Variants in USP37 observed in about 807,000 individuals in gnomAD.
The protein encoded by USP37 is ubiquitin carboxyl-terminal hydrolase 37.
In USP37, 27 loss-of-function variants were observed where a neutral mutation model predicts 124.0. That is an observed-to-expected ratio of 0.22 (90% CI 0.16 to 0.30). The LOEUF is 0.30. Among genes scored for constraint, USP37 ranks in the 10% least tolerant of loss-of-function variants. The probability of loss-of-function intolerance (pLI) is 1.00; values close to 1 mark genes in which losing one functional copy is unlikely to be tolerated. For missense variants in USP37, 889 were observed against 1,140.4 expected (o/e 0.78, Z 3.17); for synonymous variants, 365 against 388.0 (o/e 0.94, Z 0.70).
At chr2:218,544,596 A>G (rs1692220532) in intron 8 of USP37, among the ~76,000 whole-genome samples, 1 of 151,942 alleles carries the variant, frequency 6.6e-6, no homozygotes, top group Non-Finnish European at 1.5e-5. Context: ...GCCTTTAAAG[A>G]AAACAAACAA....
intron 25 of USP37, among the ~76,000 whole-genome samples, chr2:218,455,221 CA>C (rs1370539072): frequency 6.6e-6 from 1 of 152,138 alleles, no homozygotes; most frequent in Non-Finnish European, 1.5e-5. Context: ...GAACTGACAA[CA>C]GTTAGCTTTA....
chr2:218,548,762 T>C (rs1471053773), intron 6 of USP37, among the ~76,000 whole-genome samples: 1 of 152,234 alleles, frequency 6.6e-6, no homozygotes, highest in African/African-American at 2.4e-5. Flanking sequence ...TTATTTTCTA[T>C]TCTACTTTTT....
At chr2:218,503,365 G>A (rs957995444) in intron 11 of USP37, among the ~76,000 whole-genome samples, 1 of 152,246 alleles carries the variant, frequency 6.6e-6, no homozygotes, top group Admixed American at 6.5e-5. Context: ...CACGGTACGT[G>A]AATTTTTAAG....
At chr2:218,459,095 A>G (rs1286328029) in intron 23 of USP37, among the ~76,000 whole-genome samples, 1 of 145,952 alleles carries the variant, frequency 6.9e-6, no homozygotes, top group African/African-American at 2.5e-5. Flanking sequence ...AAAAAAAAAC[A>G]GTTCAATGTG....
chr2:218,559,016 A>AG (rs1553561410), intron 3 of USP37, among the ~76,000 whole-genome samples: 1 of 151,032 alleles, frequency 6.6e-6, no homozygotes, highest in Non-Finnish European at 1.5e-5. Flanking sequence ...AAAAAAAAAA[A>AG]GTGTGTTCAG....
chr2:218,565,874 C>G (rs559405909), intron 1 of USP37, among the ~76,000 whole-genome samples: 2 of 152,048 alleles, frequency 1.3e-5, no homozygotes, highest in African/African-American at 2.4e-5. Flanking sequence ...CATGGTGAAA[C>G]CTTGTCTCCA....
chr2:218,525,212 C>T (rs887374228), intron 10 of USP37, among the ~76,000 whole-genome samples: 3 of 152,138 alleles, frequency 2.0e-5, no homozygotes, highest in Admixed American at 6.5e-5. Context: ...CAGGTGCAGT[C>T]GCTCGTGCCT....
chr2:218,558,758 T>C lies in USP37; in HGVS notation c.-24-81A>G. ...AAGATAAGTTATAACTTACTAGTAATTAATTTCTAACCACCATGCATTTCT... is the reference window on the plus strand; with the variant it reads ...AAGATAAGTTATAACTTACTAGTAACTAATTTCTAACCACCATGCATTTCT... On this transcript the variant is annotated intron_variant, in intron 3 of 25. Transcript: ENST00000258399. The C allele has an allele frequency of 3.7e-6, 4 of 1,077,778 alleles. 1 individual carries two copies. In the South Asian group the frequency reaches 6.4e-5, roughly 17 times the overall value. The allele number at this position is 1,077,778 out of a possible 1,614,324, so 66.8% of individuals were successfully genotyped here.
chr2:218,496,608 G>A (rs375577397), intron 13 of USP37, among the ~76,000 whole-genome samples: 1 of 1,022 alleles, frequency 9.8e-4, no homozygotes, highest in African/African-American at 1.6e-3. Context: ...TATATTTGAA[G>A]AGTCACATTT....
intron 19 of USP37, among the ~76,000 whole-genome samples, chr2:218,475,094 TTGAAA>T (rs1690895510): frequency 1.3e-5 from 2 of 152,238 alleles, no homozygotes; most frequent in Non-Finnish European, 2.9e-5. Context: ...TTTTTCTTGA[TTGAAA>T]TAAGTATATA....
intron 8 of USP37, among the ~76,000 whole-genome samples, chr2:218,540,862 A>G (rs1691934434): frequency 6.6e-6 from 1 of 152,188 alleles, no homozygotes; most frequent in African/African-American, 2.4e-5. Context: ...CTCACATAGT[A>G]TCTTAGAACA....
chr2:218,513,420 C>T (rs1690109609), intron 10 of USP37, among the ~76,000 whole-genome samples: 1 of 152,150 alleles, frequency 6.6e-6, no homozygotes, highest in African/African-American at 2.4e-5. Context: ...CAATAAAATG[C>T]ACACATTTAA....
rs915179516 is a variant in USP37 at position 218,453,092 on chromosome 2, G to A, written c.*1838C>T. 14 of 152,174 alleles carry A rather than the reference G, an allele frequency of 9.2e-5. No homozygotes were observed. Among genetic ancestry groups the A allele is most frequent in the African/African-American group, 3.4e-4 (14 of 41,438 alleles). The allele number at this position is 152,174 out of a possible 1,614,324, so 9.4% of individuals were successfully genotyped here. ...GTAGGAGGCAAAGCATTTATCAGTAGTTGAGCAAAACTGCTGAGGCCATTT... is the reference window on the plus strand; with the variant it reads ...GTAGGAGGCAAAGCATTTATCAGTAATTGAGCAAAACTGCTGAGGCCATTT... On this transcript the variant is annotated 3_prime_UTR_variant, in exon 26 of 26. Transcript: ENST00000258399.
intron 9 of USP37, among the ~76,000 whole-genome samples, chr2:218,533,133 G>A (rs1242220588): frequency 6.6e-6 from 1 of 151,956 alleles, no homozygotes; most frequent in African/African-American, 2.4e-5. Flanking sequence ...ACACATGTAT[G>A]TTAAAAGATA....
chr2:218,536,265 A>T (rs1691640624), intron 8 of USP37, among the ~76,000 whole-genome samples: 1 of 152,180 alleles, frequency 6.6e-6, no homozygotes, highest in South Asian at 2.1e-4. Context: ...ATGCTTTAAC[A>T]GTGCTAATTT....
rs928634825 is a variant in USP37 at position 218,564,523 on chromosome 2, G to C, written c.-229-1710C>G. 1.2e-4 allele frequency among the ~76,000 whole-genome samples: 18 copies of C among 152,136 alleles called. 1 individual carries two copies. Among genetic ancestry groups the C allele is most frequent in the Non-Finnish European group, 1.3e-4 (9 of 68,026 alleles). On this transcript the variant is annotated intron_variant, in intron 1 of 25. Coordinates refer to ENST00000258399, the MANE Select transcript of USP37 (RefSeq NM_020935.3). ...GCAACCCCTTCCCTTTCCAGTCTCA[G>C]CTCTTGGGGTTTTACCTCCAACAAA...
At chr2:218,532,350 C>T (rs925253603) in intron 9 of USP37, among the ~76,000 whole-genome samples, 4 of 151,794 alleles carry the variant, frequency 2.6e-5, no homozygotes, top group African/African-American at 9.7e-5. Flanking sequence ...CCTGTAGTCC[C>T]AGCTACTCGG....
At chr2:218,499,451 T>C (rs1689252701) in intron 11 of USP37, among the ~76,000 whole-genome samples, 1 of 152,208 alleles carries the variant, frequency 6.6e-6, no homozygotes, top group Non-Finnish European at 1.5e-5. Context: ...CAGAGTAAGT[T>C]GCATTTATTA....
chr2:218,455,040 A>G, intron 25 of USP37, 23 bp from the exon 26 acceptor site: 1 of 1,610,428 alleles, frequency 6.2e-7, no homozygotes, highest in Non-Finnish European at 8.5e-7. Flanking sequence ...CAAGCAAAAA[A>G]TAAAACTGGA....
Sources: allele counts gnomAD v4.1 joint callset (sites outside exome capture counted in the v4.1 genomes callset), GRCh38; gene constraint gnomAD v4.1.1; transcripts MANE v1.5; gene names NCBI Gene and HGNC (gene_info 2026-07-23, HGNC 2026-07-21).